Variants in LRP1B observed in about 807,000 individuals in gnomAD.
LRP1B encodes the protein LDL receptor related protein 1B, also known as low-density lipoprotein receptor-related protein 1B.
In LRP1B, 217 loss-of-function variants were observed where a neutral mutation model predicts 556.6. That is an observed-to-expected ratio of 0.39 (90% CI 0.35 to 0.44). LRP1B has a LOEUF of 0.44. Ranked by LOEUF, LRP1B falls within the 20% of genes least tolerant of loss-of-function variation. The pLI is 1.00. For missense variants in LRP1B, 5,053 were observed against 5,620.8 expected (o/e 0.90, Z 3.23); for synonymous variants, 2,047 against 1,865.8 (o/e 1.10, Z -2.50).
At chr2:140,409,403 A>G (rs150955242) in intron 66 of LRP1B, among the ~76,000 whole-genome samples, 1 of 152,170 alleles carries the variant, frequency 6.6e-6, no homozygotes, top group South Asian at 2.1e-4. Flanking sequence ...CTGGAAGTAA[A>G]TAATTTTTTT....
intron 61 of LRP1B, among the ~76,000 whole-genome samples, chr2:140,456,872 TA>T (rs1687127192): frequency 6.6e-6 from 1 of 152,034 alleles, no homozygotes; most frequent in Non-Finnish European, 1.5e-5. Context: ...ATGAGAAAAA[TA>T]AACAAAGACT....
chr2:141,144,372 AGAT>A (rs1187280539), intron 7 of LRP1B, among the ~76,000 whole-genome samples: 1 of 152,214 alleles, frequency 6.6e-6, no homozygotes, highest in Non-Finnish European at 1.5e-5. Context: ...TATAACTCTT[AGAT>A]GTGAAATGAA....
chr2:140,931,210 T>C (rs1189991852), intron 20 of LRP1B, among the ~76,000 whole-genome samples: 1 of 152,156 alleles, frequency 6.6e-6, no homozygotes, highest in Non-Finnish European at 1.5e-5. Context: ...TCTTCTTAAA[T>C]CAACTAGTCC....
chr2:141,352,220 T>A (rs756214215), intron 3 of LRP1B, among the ~76,000 whole-genome samples: 35 of 151,894 alleles, frequency 2.3e-4, no homozygotes, highest in Non-Finnish European at 4.0e-4. Context: ...AGTTTTCTTT[T>A]TCAGTTTGCA....
Position 140,385,986 on chromosome 2 carries a change from C to T in LRP1B, c.10438G>A (p.Glu3480Lys). Residue 3480 changes from glutamate to lysine, a missense_variant, in exon 67 of 91, where the codon GAA becomes AAA. Around this residue, in one of 5 missense-constraint regions of LRP1B, gnomAD observed 262 missense variants for 395.1 expected, o/e 0.66. Transcript: ENST00000389484. ...CAGTTGTTGTTTTTACACTGGAATT[C>T]ATGAGGTCCACAAGTCTTTTTATCT... is the stretch of plus-strand genomic sequence containing the variant. ...NCDKKTCGPH[E>K]FQCKNNNCIP... is the part of the protein sequence containing the mutation. The T allele has an allele frequency of 2.5e-6, 4 of 1,612,408 alleles. No homozygotes were observed. The highest frequency in any genetic ancestry group is 2.2e-5 in the East Asian group (1 of 44,810).
intron 41 of LRP1B, among the ~76,000 whole-genome samples, chr2:140,634,676 C>T (rs1355268389): frequency 6.6e-6 from 1 of 152,018 alleles, no homozygotes; most frequent in Non-Finnish European, 1.5e-5. Context: ...AATGGCACTT[C>T]CTCTCAATTA....
intron 2 of LRP1B, among the ~76,000 whole-genome samples, chr2:141,521,109 A>C (rs1684513751): frequency 6.6e-6 from 1 of 152,130 alleles, no homozygotes; most frequent in Non-Finnish European, 1.5e-5. Context: ...AAAAATAAGC[A>C]TCATTTCTGT....
chr2:140,700,172 G>T, intron 41 of LRP1B, 78 bp downstream of exon 41: 1 of 1,256,422 alleles, frequency 8.0e-7, no homozygotes, highest in South Asian at 1.3e-5. Flanking sequence ...ATTGCTACAT[G>T]CAATTACCAC....
At chr2:140,744,725 T>C (rs183440182) in intron 35 of LRP1B, among the ~76,000 whole-genome samples, 2 of 152,326 alleles carry the variant, frequency 1.3e-5, no homozygotes, top group Admixed American at 6.5e-5. Flanking sequence ...GATTTTTCAC[T>C]CTGTAATGTG....
At chr2:141,957,035 T>C (rs1043835803) in intron 1 of LRP1B, among the ~76,000 whole-genome samples, 1 of 152,114 alleles carries the variant, frequency 6.6e-6, no homozygotes, top group Non-Finnish European at 1.5e-5. Flanking sequence ...TTTGAAGATG[T>C]TCTTTGATTT....
intron 1 of LRP1B, among the ~76,000 whole-genome samples, chr2:142,010,318 G>A (rs1285502091): frequency 6.6e-6 from 1 of 152,084 alleles, no homozygotes; most frequent in Middle Eastern, 3.4e-3. Context: ...ACTTTGGGAG[G>A]CTGAGGAGGG....
intron 67 of LRP1B, among the ~76,000 whole-genome samples, 166 bp from the exon 68 acceptor site, chr2:140,378,452 TATA>T (rs1278965633): frequency 6.6e-6 from 1 of 152,204 alleles, no homozygotes; most frequent in African/African-American, 2.4e-5. Flanking sequence ...TGGTACATAA[TATA>T]ATAATTTTTC....
intron 1 of LRP1B, among the ~76,000 whole-genome samples, chr2:142,014,476 AG>A (rs1353960675): frequency 6.6e-6 from 1 of 152,204 alleles, no homozygotes; most frequent in East Asian, 1.9e-4. Flanking sequence ...TAAAAAGAGT[AG>A]TTGAAACTTT....
At chr2:142,045,854 G>C (rs1334173649) in intron 1 of LRP1B, among the ~76,000 whole-genome samples, 3 of 151,874 alleles carry the variant, frequency 2.0e-5, no homozygotes, top group Non-Finnish European at 4.4e-5. Context: ...TGGCAACAAA[G>C]TCCACACTCT....
intron 41 of LRP1B, among the ~76,000 whole-genome samples, chr2:140,647,002 A>G (rs1684508294): frequency 6.6e-6 from 1 of 152,100 alleles, no homozygotes; most frequent in African/African-American, 2.4e-5. Context: ...AAAGGATTCA[A>G]TCAAATTTAT....
At chr2:140,329,047 CT>C (rs1469630248) in intron 79 of LRP1B, among the ~76,000 whole-genome samples, 1 of 151,990 alleles carries the variant, frequency 6.6e-6, no homozygotes, top group Non-Finnish European at 1.5e-5. Context: ...TGTAAATAAG[CT>C]TTTAAATATC....
rs542337185 is a variant in LRP1B, at chr2:141,241,530, C to T, written c.592+5696G>A. On this transcript the variant is annotated intron_variant, in intron 5 of 90. Transcript: ENST00000389484. Reference sequence around the variant, plus strand: ...TACTATACCAAAGCTAGAGTCAGCCCGGAGTAACAGGACAAAACTGGCCAA... The same window carrying T: ...TACTATACCAAAGCTAGAGTCAGCCTGGAGTAACAGGACAAAACTGGCCAA... Among the ~76,000 whole-genome samples, 10 of 152,168 alleles carry T rather than the reference C, an allele frequency of 6.6e-5. No homozygotes were observed. In the East Asian group the frequency reaches 1.5e-3, roughly 24 times the overall value.
rs565371107 is a variant in LRP1B at position 141,980,676 on chromosome 2, G to A, written c.82+149972C>T. Among the ~76,000 whole-genome samples, 6 of 152,250 alleles carry A rather than the reference G, an allele frequency of 3.9e-5. No homozygotes were observed. In the South Asian group the frequency reaches 1.0e-3, roughly 26 times the overall value. ...CAGCACTATCAGATTTAATTTTCTA[G>A]AGGATTGAAATATTTCCCTGCACTG... is the stretch of plus-strand genomic sequence containing the variant. On this transcript the variant is annotated intron_variant, in intron 1 of 90. Transcript: ENST00000389484.
At chr2:142,098,398 T>C (rs2104963734) in intron 1 of LRP1B, among the ~76,000 whole-genome samples, 1 of 151,916 alleles carries the variant, frequency 6.6e-6, no homozygotes, top group East Asian at 1.9e-4. Context: ...ATATTTGAAT[T>C]GCTAAGTCTG....
Sources: allele counts gnomAD v4.1 joint callset (sites outside exome capture counted in the v4.1 genomes callset), GRCh38; gene constraint gnomAD v4.1.1; regional missense constraint gnomAD v4.1.1; transcripts MANE v1.5; gene names NCBI Gene and HGNC (gene_info 2026-07-23, HGNC 2026-07-21).